The following NTM variants were observed in gnomAD, a reference collection of about 807,000 sequenced individuals.
NTM encodes the protein neurotrimin.
In NTM, 13 loss-of-function variants were observed where a neutral mutation model predicts 42.1. That is an observed-to-expected ratio of 0.31 (90% CI 0.20 to 0.49). The LOEUF is 0.49. NTM is among the 20% of genes least tolerant of loss of function. The pLI is 0.99. For synonymous variants in NTM, 187 were observed against 179.2 expected, an observed-to-expected ratio of 1.04 and a Z score of -0.35; for missense variants, 373 against 452.8, an observed-to-expected ratio of 0.82 and a Z score of 1.60.
intron 2 of NTM, among the ~76,000 whole-genome samples, chr11:132,088,369 C>A (rs2059992602): frequency 6.6e-6 from 1 of 152,160 alleles, no homozygotes; most frequent in Non-Finnish European, 1.5e-5. Context: ...TGTCCCCATA[C>A]TGGCCACCAA....
rs79327967 is a variant in NTM at position 132,308,018 on chromosome 11, C to T, written c.661+195C>T. Among the ~76,000 whole-genome samples the T allele has an allele frequency of 1.8e-3, 277 of 152,320 alleles. 2 individuals are homozygous for T. The highest frequency in any genetic ancestry group is 5.7e-3 in the African/African-American group (236 of 41,570). On this transcript the variant is annotated intron_variant, in intron 5 of 8. Transcript: ENST00000683400. ...GACACTTCAAGGTGTCACAGTGTCA[C>T]GCTGAAAGAAAAAGTAGCTAAAGTA...
intron 3 of NTM, among the ~76,000 whole-genome samples, chr11:132,164,357 T>G (rs894262643): frequency 2.6e-5 from 4 of 152,138 alleles, no homozygotes; most frequent in African/African-American, 9.7e-5. Flanking sequence ...CAGCATATGG[T>G]CATTGTTTTT....
intron 2 of NTM, among the ~76,000 whole-genome samples, chr11:131,997,222 A>G (rs1027161689): frequency 1.3e-5 from 2 of 152,170 alleles, no homozygotes; most frequent in African/African-American, 4.8e-5. Context: ...GTGGCTTTGC[A>G]GAAACTCATG....
chr11:131,447,461 C>T (rs925812020), intron 1 of NTM, among the ~76,000 whole-genome samples: 1 of 152,176 alleles, frequency 6.6e-6, no homozygotes, highest in African/African-American at 2.4e-5. Context: ...CTCCCTGTGG[C>T]CGTGCAGGCT....
rs1039533328 is a variant in NTM at position 132,212,113 on chromosome 11, G to A, written c.492G>A (p.Glu164=). ...SLTCIATGRP[E]PTVTWRHISP... The stretch of plus-strand genomic sequence containing the variant: ...CCTGCATAGCAACTGGTAGACCAGA[G>A]CCTACGGTTACTTGGAGACACATCT... Residue 164 remains glutamate, a synonymous_variant, in exon 4 of 9, where the codon GAG becomes GAA. Coordinates refer to ENST00000683400, the MANE Select transcript of NTM (RefSeq NM_001352005.2). 6.2e-7 allele frequency: 1 copy of A among 1,613,720 alleles called. No individual in the cohort carries two copies. The highest frequency in any genetic ancestry group is 1.1e-5 in the South Asian group (1 of 90,998).
At chr11:131,976,217 A>T (rs1267659577) in intron 2 of NTM, among the ~76,000 whole-genome samples, 2 of 150,450 alleles carry the variant, frequency 1.3e-5, no homozygotes, top group African/African-American at 2.5e-5. Context: ...CAATAAGCTT[A>T]ATGGGATGAA....
intron 2 of NTM, among the ~76,000 whole-genome samples, chr11:131,960,532 A>G (rs574175238): frequency 2.1e-4 from 15 of 72,202 alleles, no homozygotes; most frequent in Admixed American, 1.2e-3. Flanking sequence ...AGCTGGCCCC[A>G]TCCCCTAATG....
At chr11:132,164,387 C>T (rs1261708761) in intron 3 of NTM, among the ~76,000 whole-genome samples, 2 of 152,188 alleles carry the variant, frequency 1.3e-5, no homozygotes, top group Non-Finnish European at 2.9e-5. Context: ...AAAGGACCAT[C>T]CATTAGACAT....
intron 1 of NTM, among the ~76,000 whole-genome samples, chr11:131,371,911 C>A (rs2135460656): frequency 6.6e-6 from 1 of 152,308 alleles, no homozygotes; most frequent in East Asian, 1.9e-4. Context: ...GGAGCCCTCT[C>A]TTGGGAGGTG....
chr11:132,184,901 G>A (rs936711580), intron 3 of NTM, among the ~76,000 whole-genome samples: 1 of 152,148 alleles, frequency 6.6e-6, no homozygotes, highest in Non-Finnish European at 1.5e-5. Flanking sequence ...CAGAAACGGT[G>A]TGGCTGGGCC....
At chr11:131,888,017 C>G (rs948526337) in intron 1 of NTM, among the ~76,000 whole-genome samples, 1 of 152,160 alleles carries the variant, frequency 6.6e-6, no homozygotes, top group South Asian at 2.1e-4. Flanking sequence ...AGTTGCTACT[C>G]AAAACTGCTT....
intron 2 of NTM, among the ~76,000 whole-genome samples, chr11:132,088,143 G>T (rs2059959427): frequency 6.6e-6 from 1 of 152,176 alleles, no homozygotes; most frequent in South Asian, 2.1e-4. Context: ...TATTGTAAAA[G>T]AAAAGATAAA....
chr11:132,018,831 C>T (rs1437532477), intron 2 of NTM, among the ~76,000 whole-genome samples: 3 of 151,884 alleles, frequency 2.0e-5, no homozygotes, highest in Non-Finnish European at 4.4e-5. Flanking sequence ...AATTCACTTC[C>T]GAAGTCACAG....
intron 2 of NTM, among the ~76,000 whole-genome samples, chr11:131,929,323 C>T (rs965216739): frequency 3.5e-5 from 5 of 142,316 alleles, no homozygotes; most frequent in Admixed American, 2.0e-4. Flanking sequence ...CCTGAACCAA[C>T]GGGGGGGCAC....
At chr11:132,271,322 A>C (rs2093465368) in intron 4 of NTM, among the ~76,000 whole-genome samples, 1 of 152,094 alleles carries the variant, frequency 6.6e-6, no homozygotes, top group African/African-American at 2.4e-5. Flanking sequence ...GGTTGCTTCC[A>C]CCTTGGGACT....
rs546562800 is a variant in NTM at position 131,633,523 on chromosome 11, G to C, written c.82+262635G>C. Among the ~76,000 whole-genome samples the C allele has an allele frequency of 6.7e-5, 10 of 148,554 alleles. No individual in the cohort carries two copies. In the East Asian group the frequency reaches 1.4e-3, roughly 21 times the overall value. On this transcript the variant is annotated intron_variant, in intron 1 of 8. Transcript: ENST00000683400. ...TTTTCACTGTTTGAATCAGGGTTCT[G>C]TCTCTCTCTCTCTCTCTCTATCTCT...
intron 1 of NTM, among the ~76,000 whole-genome samples, chr11:131,484,523 G>A (rs1442672454): frequency 2.0e-5 from 3 of 152,162 alleles, no homozygotes; most frequent in Non-Finnish European, 2.9e-5. Context: ...GACAGCTGAG[G>A]GGGCTGAGGC....
intron 2 of NTM, among the ~76,000 whole-genome samples, chr11:131,953,145 T>C (rs2061201348): frequency 2.0e-5 from 3 of 152,288 alleles, no homozygotes; most frequent in South Asian, 4.2e-4. Context: ...CAGACCCTGG[T>C]TGGCTTTCAG....
chr11:131,942,637 C>T (rs1410630159), intron 2 of NTM, among the ~76,000 whole-genome samples: 2 of 152,112 alleles, frequency 1.3e-5, no homozygotes, highest in African/African-American at 4.8e-5. Context: ...CCATTTGTCT[C>T]AGCTCTTCAA....
Sources: allele counts gnomAD v4.1 joint callset (sites outside exome capture counted in the v4.1 genomes callset), GRCh38; gene constraint gnomAD v4.1.1; transcripts MANE v1.5; gene names NCBI Gene and HGNC (gene_info 2026-07-23, HGNC 2026-07-21).